The following DLEC1 variants were observed in gnomAD, a reference collection of about 807,000 sequenced individuals.
DLEC1 encodes deleted in lung and esophageal cancer protein 1.
A neutral mutation model predicts 198.1 loss-of-function variants in DLEC1; 146 were observed. That is an observed-to-expected ratio of 0.74 (90% CI 0.64 to 0.85). The LOEUF (loss-of-function observed/expected upper bound fraction) is 0.85, where lower values mean the gene tolerates loss of function less well. Ranked by LOEUF, DLEC1 falls within the 40% of genes least tolerant of loss-of-function variation. The probability of loss-of-function intolerance (pLI) is 0.00; values close to 1 mark genes in which losing one functional copy is unlikely to be tolerated. For synonymous variants in DLEC1, 897 were observed against 866.8 expected, an observed-to-expected ratio of 1.03 and a Z score of -0.61; for missense variants, 2,233 against 2,220.0, an observed-to-expected ratio of 1.01 and a Z score of -0.12.
intron 32 of DLEC1, 70 bp from the exon 33 acceptor site, chr3:38,117,727 CCCAGCCCTA>C (rs1423315328): frequency 2.1e-6 from 3 of 1,399,674 alleles, no homozygotes; most frequent in African/African-American, 2.8e-5. Flanking sequence ...CCCCAGCCCT[CCCAGCCCTA>C]CCCTAGAGCC....
intron 25 of DLEC1, among the ~76,000 whole-genome samples, chr3:38,114,016 T>C (rs1398651634): frequency 6.7e-6 from 1 of 150,314 alleles, no homozygotes; most frequent in Non-Finnish European, 1.5e-5. Flanking sequence ...CTCACACTTG[T>C]AGATCCAACA....
chr3:38,076,459 G>C (rs1333255355), intron 6 of DLEC1, among the ~76,000 whole-genome samples: 1 of 152,136 alleles, frequency 6.6e-6, no homozygotes, highest in African/African-American at 2.4e-5. Flanking sequence ...ACAGTCAAAG[G>C]GGGTTTGTTC....
At chr3:38,053,574 T>A (rs1325366669) in intron 2 of DLEC1, among the ~76,000 whole-genome samples, 8 of 121,104 alleles carry the variant, frequency 6.6e-5, no homozygotes, top group South Asian at 2.7e-4. Context: ...GTCCGGGAGG[T>A]GGGGGGCAGC....
chr3:38,062,127 C>T (rs764851225), intron 3 of DLEC1, 42 bp from the exon 4 acceptor site: 1 of 1,608,806 alleles, frequency 6.2e-7, no homozygotes, highest in Non-Finnish European at 8.5e-7. Flanking sequence ...CCCACCTCCT[C>T]ACCTTGTTGC....
chr3:38,114,065 T>G (rs1277669504), intron 25 of DLEC1, among the ~76,000 whole-genome samples: 14 of 139,750 alleles, frequency 1.0e-4, no homozygotes, highest in African/African-American at 3.5e-4. Context: ...TTGAGGCCAG[T>G]AGTTTGAGAC....
intron 2 of DLEC1, among the ~76,000 whole-genome samples, chr3:38,054,226 CAAACAAACAA>C (rs1184034920): frequency 1.5e-4 from 23 of 151,410 alleles, no homozygotes; most frequent in African/African-American, 5.6e-4. Flanking sequence ...AAAAAACAAA[CAAACAAACAA>C]AAACAAAAAC....
intron 18 of DLEC1, among the ~76,000 whole-genome samples, chr3:38,098,361 C>G (rs1351026158): frequency 1.3e-5 from 2 of 152,260 alleles, no homozygotes; most frequent in Non-Finnish European, 2.9e-5. Context: ...AAAGAAAATT[C>G]AAGATTTATT....
intron 25 of DLEC1, 152 bp from the exon 26 acceptor site, chr3:38,114,190 C>G: frequency 3.6e-6 from 2 of 556,450 alleles, no homozygotes; most frequent in Non-Finnish European, 6.3e-6. Context: ...GTGGAGATGG[C>G]GGGAAGTGGG....
Position 38,062,790 on chromosome 3 carries a change from G to C in DLEC1, c.1083G>C (p.Glu361Asp). 6.2e-7 allele frequency: 1 copy of C among 1,613,770 alleles called. No individual in the cohort carries two copies. The highest frequency in any genetic ancestry group is 8.5e-7 in the Non-Finnish European group (1 of 1,179,874). The change falls in exon 5 of 37, where the codon GAG becomes GAC. Residue 361 changes from glutamate to aspartate, a missense_variant. Transcript: ENST00000308059. ...CGATAGGAGAATTCCAGAGTACAGA[G>C]CCAGAACAGAGGTATGTCTTTCTCT... Reference protein sequence around the residue: ...PAPIGEFQSTEPEQSCADTPV... With the variant: ...PAPIGEFQSTDPEQSCADTPV...
At position 38,122,597 on chromosome 3, in the gene DLEC1, C is replaced by CTAACA. The variant is rs771427829; in HGVS notation, c.*189_*193dup. The CTAACA allele has an allele frequency of 4.7e-5, 74 of 1,580,454 alleles. No homozygotes were observed. Among genetic ancestry groups the CTAACA allele is most frequent in the Admixed American group, 1.8e-5 (1 of 57,108 alleles). On this transcript the variant is annotated 3_prime_UTR_variant, in exon 37 of 37. Transcript: ENST00000308059. ...AGGCCCTCATGATATGTCCTCAGAG[C>CTAACA]TAACATAAAGGACAGGCCACACCAC...
chr3:38,064,007 C>CTTTTTTTTTTTTTTTTTTGTTTTTTT (rs71094947), intron 6 of DLEC1, 88 bp downstream of exon 6: 1 of 417,588 alleles, frequency 2.4e-6, no homozygotes, highest in Non-Finnish European at 3.7e-6. Context: ...TTTTTTTTTT[C>CTTTTTTTTTTTTTTTTTTGTTTTTTT]TTTTTTTTTT....
chr3:38,047,051 G>A (rs1354301162), intron 2 of DLEC1, among the ~76,000 whole-genome samples: 1 of 152,200 alleles, frequency 6.6e-6, no homozygotes, highest in Non-Finnish European at 1.5e-5. Flanking sequence ...GGAGGGTCAC[G>A]TGATGTTAAC....
chr3:38,086,958 C>T lies in DLEC1; in HGVS notation c.1572+581C>T, dbSNP rs376250242. Among the ~76,000 whole-genome samples, 200 of 151,886 alleles carry T rather than the reference C, an allele frequency of 1.3e-3. 1 individual carries two copies. The highest frequency in any genetic ancestry group is 4.7e-3 in the African/African-American group (193 of 41,386). On this transcript the variant is annotated intron_variant, in intron 9 of 36. Coordinates refer to ENST00000308059, the MANE Select transcript of DLEC1 (RefSeq NM_007335.4). ...GTGTGGTGGCATGTGCCTGTAGTCC[C>T]AGCTACTCAGGAGGCTGAGGAAGGA...
At position 38,080,986 on chromosome 3, in the gene DLEC1, G is replaced by A. The variant is rs866491011; in HGVS notation, c.1174-3172G>A. ...GGCCTTCCGCAGTGTTTGTGTCCCT[G>A]ATTACTTGAGATTAGGGATTGGTGA... On this transcript the variant is annotated intron_variant, in intron 6 of 36. Transcript: ENST00000308059. Among the ~76,000 whole-genome samples, 225 of 133,922 alleles carry A rather than the reference G, an allele frequency of 1.7e-3. 3 individuals carry two copies. The highest frequency in any genetic ancestry group is 5.4e-3 in the African/African-American group (189 of 34,812). The allele number at this position is 133,922 out of a possible 152,430, so 87.9% of individuals were successfully genotyped here.
intron 2 of DLEC1, among the ~76,000 whole-genome samples, chr3:38,047,558 C>T (rs899723641): frequency 6.6e-6 from 1 of 152,112 alleles, no homozygotes; most frequent in African/African-American, 2.4e-5. Context: ...ATGGACTTGT[C>T]CATAGTCTGG....
chr3:38,088,455 A>G, intron 10 of DLEC1, 67 bp downstream of exon 10: 2 of 1,483,974 alleles, frequency 1.3e-6, no homozygotes, highest in Non-Finnish European at 1.9e-6. Flanking sequence ...CTCTGTTTTC[A>G]TGACTCAAGT....
chr3:38,070,466 G>A (rs1008638235), intron 6 of DLEC1, among the ~76,000 whole-genome samples: 19 of 152,196 alleles, frequency 1.2e-4, no homozygotes, highest in African/African-American at 4.8e-5. Flanking sequence ...CTCATAAATA[G>A]TAATTGTTAT....
intron 5 of DLEC1, 60 bp downstream of exon 5, chr3:38,062,861 G>A: frequency 6.4e-7 from 1 of 1,570,676 alleles, no homozygotes; most frequent in South Asian, 1.1e-5. Flanking sequence ...TAACCTAGAT[G>A]GTCCTCCGTT....
At chr3:38,045,775 T>C (rs1700861512) in intron 2 of DLEC1, 82 bp downstream of exon 2, 2 of 1,409,086 alleles carry the variant, frequency 1.4e-6, no homozygotes, top group African/African-American at 2.9e-5. Context: ...GCCCACTCTC[T>C]AGGCTTTTTC....
Sources: gnomAD v4.1 joint callset for allele counts (sites outside exome capture counted in the v4.1 genomes callset) on GRCh38, gnomAD v4.1.1 for gene constraint, MANE v1.5 for transcripts, NCBI Gene and HGNC (gene_info 2026-07-23, HGNC 2026-07-21) for gene names.